The following PRSS53 variants were observed in gnomAD, a reference collection of about 807,000 sequenced individuals.
PRSS53 encodes EDTP308.
Under a neutral mutation model 62.7 loss-of-function variants are expected in PRSS53, and 54 were observed. That is an observed-to-expected ratio of 0.86 (90% CI 0.69 to 1.08). The LOEUF (loss-of-function observed/expected upper bound fraction) is 1.08. PRSS53 is among the 50% of genes least tolerant of loss of function. The pLI, the probability that PRSS53 is intolerant of heterozygous loss-of-function variation, is 0.00. For missense variants in PRSS53, 688 were observed against 728.3 expected (o/e 0.94, Z 0.64); for synonymous variants, 273 against 300.0 (o/e 0.91, Z 0.93).
At position 31,088,624 on chromosome 16, in the gene PRSS53, G is replaced by A. The variant is rs565405262; in HGVS notation, c.58+128C>T. The A allele has an allele frequency of 2.5e-5, 39 of 1,537,074 alleles. No homozygotes were observed. The African/African-American group carries it at 3.4e-4, about 13-fold the overall frequency. Reference sequence around the variant, plus strand: ...ATACCACCCCACAGAGTCCTACGGAGTTACATCCCCACTGGTGGACTGTCG... The same window carrying A: ...ATACCACCCCACAGAGTCCTACGGAATTACATCCCCACTGGTGGACTGTCG... On this transcript the variant is annotated intron_variant, in intron 1 of 10. Coordinates refer to ENST00000280606, the Ensembl canonical transcript of PRSS53.
At chr16:31,083,776 G>A (rs1210104857) in exon 11 of PRSS53, 1 of 1,614,040 alleles carries the variant, frequency 6.2e-7, no homozygotes. Flanking sequence ...TCCTGAGAAT[G>A]GCCAGGTCCC....
At chr16:31,083,988 GA>G in intron 10 of PRSS53, 130 bp downstream of exon 10, 1 of 1,498,484 alleles carries the variant, frequency 6.7e-7, no homozygotes, top group Non-Finnish European at 8.9e-7. Flanking sequence ...ACCAGAATCT[GA>G]ATCAAATGGG....
At chr16:31,084,631 G>C in exon 9 of PRSS53, 1 of 1,608,218 alleles carries the variant, frequency 6.2e-7, no homozygotes, top group Non-Finnish European at 8.5e-7. Flanking sequence ...ATCACCCCCA[G>C]GAGCTGCATG....
In PRSS53 at chr16:31,088,411, GAA is replaced by G. The variant is rs2057256786; in HGVS notation, c.58+339_58+340del. On this transcript the variant is annotated intron_variant, in intron 1 of 10. Coordinates refer to ENST00000280606, the Ensembl canonical transcript of PRSS53. ...GAGCCAGGCTGCCCAGAGGATGGAT[GAA>G]AAGAAAGGGAAACTGAGGCCAGAGG... 4.3e-5 allele frequency: 51 copies of G among 1,195,910 alleles called. No homozygotes were observed. The South Asian group carries it at 1.0e-3, about 25-fold the overall frequency. The allele number at this position is 1,195,910 out of a possible 1,614,324, so 74.1% of individuals were successfully genotyped here. A position where few individuals can be genotyped will look rare whatever the true frequency, so the allele number is the denominator to read the frequency against.
exon 3 of PRSS53, chr16:31,087,540 T>C: frequency 6.2e-7 from 1 of 1,612,880 alleles, no homozygotes; most frequent in Admixed American, 1.7e-5. Flanking sequence ...GACTTACTTT[T>C]CAAAGCAGTG....
exon 7 of PRSS53, chr16:31,085,204 A>G (rs1232123254): frequency 5.6e-6 from 9 of 1,607,802 alleles, no homozygotes; most frequent in Admixed American, 1.7e-5. Flanking sequence ...CTGGCCTCCC[A>G]GGGCCATGGG....
At chr16:31,084,673 G>C (rs769103401) in exon 9 of PRSS53, 1 of 1,611,846 alleles carries the variant, frequency 6.2e-7, no homozygotes, top group Non-Finnish European at 8.5e-7. Context: ...CCCCAGGAGG[G>C]TCACGGGCAC....
At chr16:31,086,786 C>T in exon 4 of PRSS53, 1 of 1,613,338 alleles carries the variant, frequency 6.2e-7, no homozygotes, top group East Asian at 2.2e-5. Context: ...TGGTTATAGG[C>T]CCTGGGCAAC....
chr16:31,088,822 C>T (rs1171556013), exon 1 of PRSS53: 15 of 1,613,390 alleles, frequency 9.3e-6, no homozygotes, highest in Non-Finnish European at 1.3e-5. Context: ...TGCCCCGGGC[C>T]ACTCTGCCAC....
chr16:31,087,750 C>A (rs764256793), intron 2 of PRSS53, 51 bp from the exon 3 acceptor site: 2 of 1,614,176 alleles, frequency 1.2e-6, no homozygotes, highest in Admixed American at 3.3e-5. Flanking sequence ...CCTGACCTCA[C>A]CCCAGTCCCA....
chr16:31,086,268 C>A, intron 5 of PRSS53, 69 bp downstream of exon 5: 1 of 1,584,544 alleles, frequency 6.3e-7, no homozygotes, highest in Non-Finnish European at 8.6e-7. Context: ...TCCCCCAGTC[C>A]TGTGAGTCCA....
exon 4 of PRSS53, chr16:31,086,834 T>G (rs1694757835): frequency 1.2e-6 from 2 of 1,613,192 alleles, no homozygotes. Context: ...GCCCCAGGGC[T>G]GAGTCCCTCA....
At position 31,086,079 on chromosome 16, in the gene PRSS53, C is replaced by T. The variant is rs779732305; in HGVS notation, c.768G>A (p.Val256=). The change falls in exon 6 of 11, where the codon GTG becomes GTA. Residue 256 remains valine, a synonymous_variant. Coordinates refer to ENST00000280606, the Ensembl canonical transcript of PRSS53. ...TGTGAGCAGCTGTGTTGGTCAGCAG[C>T]ACAGGAGCGTCCTCCTGGGCACAGC... The T allele has an allele frequency of 3.7e-6, 6 of 1,613,744 alleles. No homozygotes were observed. In the African/African-American group the frequency reaches 8.0e-5, roughly 22 times the overall value.
intron 6 of PRSS53, among the ~76,000 whole-genome samples, chr16:31,085,614 A>G (rs539482800): frequency 6.6e-6 from 1 of 152,262 alleles, no homozygotes; most frequent in South Asian, 2.1e-4. Flanking sequence ...AAGACATAAT[A>G]TCCGTCCCAG....
exon 11 of PRSS53, chr16:31,083,784 C>A (rs754250106): frequency 1.9e-6 from 3 of 1,613,948 alleles, no homozygotes; most frequent in Non-Finnish European, 2.5e-6. Context: ...ATGGCCAGGT[C>A]CCCTGTCAGC....
chr16:31,085,298 G>T, intron 6 of PRSS53, 38 bp from the exon 7 acceptor site: 1 of 1,500,356 alleles, frequency 6.7e-7, no homozygotes, highest in Non-Finnish European at 8.9e-7. Context: ...TTCTTGCTAA[G>T]CACTTCCCAC....
exon 1 of PRSS53, chr16:31,088,810 G>A: frequency 2.5e-6 from 4 of 1,613,648 alleles, no homozygotes; most frequent in African/African-American, 1.3e-5. Context: ...ACCACTTCAT[G>A]CTGCCCCGGG....
chr16:31,084,022 C>T (rs1201341704), intron 10 of PRSS53, 97 bp downstream of exon 10: 1 of 1,503,518 alleles, frequency 6.7e-7, no homozygotes, highest in East Asian at 2.5e-5. Flanking sequence ...TCCACCCTAC[C>T]CAAGGCAGCT....
At chr16:31,088,058 G>A in intron 1 of PRSS53, 3 of 1,423,268 alleles carry the variant, frequency 2.1e-6, no homozygotes, top group Non-Finnish European at 2.8e-6. Context: ...TCAGCACTCT[G>A]GGGCTTGGGG....
Sources: gnomAD v4.1 joint callset for allele counts (sites outside exome capture counted in the v4.1 genomes callset) on GRCh38, gnomAD v4.1.1 for gene constraint, MANE v1.5 for transcripts, NCBI Gene and HGNC (gene_info 2026-07-23, HGNC 2026-07-21) for gene names.